Variants in DNAH12 observed in about 807,000 individuals in gnomAD.
DNAH12 encodes the protein dynein axonemal heavy chain 12, also known as axonemal beta dynein heavy chain 12.
Under a neutral mutation model 371.5 loss-of-function variants are expected in DNAH12, and 285 were observed. That is an observed-to-expected ratio of 0.77 (90% CI 0.70 to 0.85). DNAH12 has a LOEUF of 0.85. Ranked by LOEUF, DNAH12 falls within the 40% of genes least tolerant of loss-of-function variation. The pLI is 0.00. For missense variants in DNAH12, 3,611 were observed against 3,689.4 expected, an observed-to-expected ratio of 0.98 and a Z score of 0.55; for synonymous variants, 1,200 against 1,213.0, an observed-to-expected ratio of 0.99 and a Z score of 0.22.
At chr3:57,308,701 GC>G (rs1389739544) in intron 69 of DNAH12, among the ~76,000 whole-genome samples, 1 of 152,006 alleles carries the variant, frequency 6.6e-6, no homozygotes, top group East Asian at 1.9e-4. Flanking sequence ...TCCCCAAACC[GC>G]CACTCTTAAC....
intron 69 of DNAH12, among the ~76,000 whole-genome samples, chr3:57,306,559 T>C (rs373041599): frequency 2.2e-4 from 34 of 151,834 alleles, no homozygotes; most frequent in African/African-American, 6.3e-4. Context: ...CCCTTGTATC[T>C]CCCCACCTTA....
Position 57,534,405 on chromosome 3 carries a change from G to A in DNAH12, c.170+8296C>T, listed in dbSNP as rs1333370078. ...TGTTAAATTTTGTGTTCCTGTTGAG[G>A]GGTATGTTCAGTGGAGCCTTCTATT... On this transcript the variant is annotated intron_variant, in intron 2 of 73. Coordinates refer to ENST00000495027, the MANE Select transcript of DNAH12 (RefSeq NM_001366028.2). Among the ~76,000 whole-genome samples, 8 of 152,016 alleles carry A rather than the reference G, an allele frequency of 5.3e-5. No individual in the cohort carries two copies. In the East Asian group the frequency reaches 1.5e-3, roughly 29 times the overall value.
At chr3:57,362,260 C>G (rs1236796125) in intron 58 of DNAH12, among the ~76,000 whole-genome samples, 1 of 152,164 alleles carries the variant, frequency 6.6e-6, no homozygotes, top group Non-Finnish European at 1.5e-5. Flanking sequence ...TTAATCCAGT[C>G]TATCATTGAT....
chr3:57,555,590 G>A, the DNAH12 span, among the ~76,000 whole-genome samples: 56 of 152,284 alleles, frequency 3.7e-4, no homozygotes, highest in African/African-American at 1.3e-3. Context: ...ATTTCTTTCT[G>A]CCAATTAATA....
chr3:57,503,913 G>T, intron 9 of DNAH12, 103 bp downstream of exon 9: 1 of 925,110 alleles, frequency 1.1e-6, no homozygotes, highest in Non-Finnish European at 1.5e-6. Flanking sequence ...ATTGGGGGAG[G>T]AAAATAACAG....
intron 30 of DNAH12, 103 bp downstream of exon 30, chr3:57,436,848 C>G (rs2065142487): frequency 1.2e-6 from 1 of 817,608 alleles, no homozygotes; most frequent in Non-Finnish European, 1.8e-6. Flanking sequence ...GGGTTGCTCT[C>G]AACTCACCTA....
Position 57,296,875 on chromosome 3 carries a change from G to A in DNAH12, c.11504C>T (p.Pro3835Leu). Residue 3835 changes from proline to leucine, a missense_variant, in exon 71 of 74, where the codon CCT becomes CTT. This residue lies in a region of DNAH12 where 2,266 missense variants were observed against 2,236.9 expected (regional missense o/e 1.01). Transcript: ENST00000495027. ...AAATTCATATCCTAGCAAATCAATA[G>A]GGGTGGTATATTTTCTGGCATAATT... ...MQNYARKYTT[P>L]IDLLGYEFEV... 1 of 1,551,572 alleles carries A rather than the reference G, an allele frequency of 6.4e-7. No individual in the cohort carries two copies. Among genetic ancestry groups the A allele is most frequent in the Non-Finnish European group, 8.7e-7 (1 of 1,146,966 alleles).
intron 60 of DNAH12, 67 bp downstream of exon 60, chr3:57,352,018 T>C (rs1361602645): frequency 7.1e-7 from 1 of 1,405,320 alleles, no homozygotes; most frequent in Non-Finnish European, 9.4e-7. Context: ...AGAAGACATA[T>C]TCACAGATTT....
At chr3:57,331,548 T>G (rs2062095826) in intron 62 of DNAH12, among the ~76,000 whole-genome samples, 1 of 152,156 alleles carries the variant, frequency 6.6e-6, no homozygotes, top group Admixed American at 6.5e-5. Flanking sequence ...AAAACATTTA[T>G]GTAGGCCTCT....
chr3:57,452,177 C>T (rs2065778170), intron 25 of DNAH12, among the ~76,000 whole-genome samples: 1 of 152,126 alleles, frequency 6.6e-6, no homozygotes, highest in African/African-American at 2.4e-5. Flanking sequence ...CCACTGGTAA[C>T]ATATTTTGGT....
intron 62 of DNAH12, among the ~76,000 whole-genome samples, chr3:57,332,735 T>G (rs1341438066): frequency 6.6e-6 from 1 of 152,188 alleles, no homozygotes; most frequent in Admixed American, 6.5e-5. Context: ...ATGGTGTGTA[T>G]GCATGAGACC....
chr3:57,425,247 G>A (rs1449120618), intron 34 of DNAH12, 106 bp from the exon 35 acceptor site: 18 of 613,170 alleles, frequency 2.9e-5, no homozygotes, highest in South Asian at 2.5e-4. Context: ...GTTTTAATAA[G>A]GTCTTTTTTT....
rs77992283 is a variant in DNAH12 at position 57,408,574 on chromosome 3, T to C, written c.6021-39A>G. The C allele has an allele frequency of 2.1e-3, 3,088 of 1,472,416 alleles. 55 individuals are homozygous for C. The African/African-American group carries it at 0.038, about 18-fold the overall frequency. 91.2% of individuals were successfully genotyped at this position (1,472,416 alleles called of 1,614,324 possible). ...CACAAAAAATTTAGATTATCTGTTA[T>C]AAAGACATTAAGATGGGATGAAATA... is the stretch of plus-strand genomic sequence containing the variant. On this transcript the variant is annotated intron_variant, in intron 39 of 73. Coordinates refer to ENST00000495027, the MANE Select transcript of DNAH12 (RefSeq NM_001366028.2).
At chr3:57,509,861 TAAAAAAA>T (rs902155403) in intron 5 of DNAH12, among the ~76,000 whole-genome samples, 882 of 46,522 alleles carry the variant, frequency 0.019, 3 homozygotes, top group African/African-American at 0.048. Context: ...GACTCCATCA[TAAAAAAA>T]AAAAAAAAAA....
rs1005172923 is a variant in DNAH12, at chr3:57,471,587, T to C, written c.1796A>G (p.His599Arg). The change falls in exon 15 of 74, where the codon CAT (histidine) becomes CGT (arginine). Residue 599 changes from histidine to arginine, a missense_variant. Coordinates refer to ENST00000495027, the MANE Select transcript of DNAH12 (RefSeq NM_001366028.2). ...ENDELIENAK[H>R]KKENELMAKR... is the part of the protein sequence containing the mutation. ...GGCCATTAGTTCATTTTCTTTTTTA[T>C]GTTTAGCATTCTCAATTAGCTTTTT... The C allele has an allele frequency of 1.6e-5, 25 of 1,540,776 alleles. No homozygotes were observed. The African/African-American group carries it at 3.2e-4, about 20-fold the overall frequency.
intron 45 of DNAH12, among the ~76,000 whole-genome samples, chr3:57,390,701 G>A (rs1174386553): frequency 2.6e-5 from 4 of 151,690 alleles, no homozygotes; most frequent in Non-Finnish European, 5.9e-5. Context: ...TAAACAGGCA[G>A]TGACAGTCTG....
Position 57,415,522 on chromosome 3 carries a change from C to A in DNAH12, c.5757G>T (p.Val1919=). The change falls in exon 38 of 74, where the codon GTG becomes GTT. Residue 1919 remains valine, a synonymous_variant. Coordinates refer to ENST00000495027, the MANE Select transcript of DNAH12 (RefSeq NM_001366028.2). ...GATTCATTAGCTTATCCTTCACATA[C>A]ACAGATTTTCCTGTACCCGTTGGAC... is the stretch of plus-strand genomic sequence containing the variant. ...FVGPTGTGKS[V]YVKDKLMNHL... 1 of 1,550,502 alleles carries A rather than the reference C, an allele frequency of 6.4e-7. No individual in the cohort carries two copies. The highest frequency in any genetic ancestry group is 8.7e-7 in the Non-Finnish European group (1 of 1,146,782).
chr3:57,322,737 C>A (rs140789665), intron 64 of DNAH12, among the ~76,000 whole-genome samples: 4 of 152,136 alleles, frequency 2.6e-5, no homozygotes, highest in Non-Finnish European at 5.9e-5. Flanking sequence ...CGAGACCAGG[C>A]TGGCTGACAT....
At chr3:57,353,082 T>C (rs1275797662) in intron 59 of DNAH12, among the ~76,000 whole-genome samples, 1 of 152,076 alleles carries the variant, frequency 6.6e-6, no homozygotes, top group Non-Finnish European at 1.5e-5. Flanking sequence ...TGAGACTCCG[T>C]CTCAAAAAGA....
Sources: allele counts gnomAD v4.1 joint callset (sites outside exome capture counted in the v4.1 genomes callset), GRCh38; gene constraint gnomAD v4.1.1; regional missense constraint gnomAD v4.1.1; transcripts MANE v1.5; gene names NCBI Gene and HGNC (gene_info 2026-07-23, HGNC 2026-07-21).